FNDC3B: variants seen among roughly 807,000 people sequenced by gnomAD.
FNDC3B encodes fibronectin type III domain-containing protein 3B.
In FNDC3B, 12 loss-of-function variants were observed where a neutral mutation model predicts 151.5. The observed-to-expected ratio is 0.08, with a 90% CI of 0.05 to 0.13. The LOEUF (loss-of-function observed/expected upper bound fraction) is 0.13. FNDC3B is among the 10% of genes least tolerant of loss of function. The probability of loss-of-function intolerance (pLI) is 1.00; values close to 1 mark genes in which losing one functional copy is unlikely to be tolerated. For synonymous variants in FNDC3B, 528 were observed against 549.0 expected, an observed-to-expected ratio of 0.96 and a Z score of 0.54; for missense variants, 1,214 against 1,505.3, an observed-to-expected ratio of 0.81 and a Z score of 3.20.
At chr3:172,287,358 A>C (rs1220868422) in intron 7 of FNDC3B, among the ~76,000 whole-genome samples, 4 of 152,204 alleles carry the variant, frequency 2.6e-5, no homozygotes, top group Non-Finnish European at 5.9e-5. Context: ...GGGCGGTCGC[A>C]AATGTCTGGT....
At chr3:172,198,487 G>A (rs1432224114) in intron 3 of FNDC3B, among the ~76,000 whole-genome samples, 1 of 152,046 alleles carries the variant, frequency 6.6e-6, no homozygotes, top group Admixed American at 6.5e-5. Flanking sequence ...AACACTCAAG[G>A]GGTTGTTCTA....
At chr3:172,075,561 A>C (rs771741037) in intron 1 of FNDC3B, among the ~76,000 whole-genome samples, 1 of 152,116 alleles carries the variant, frequency 6.6e-6, no homozygotes, top group Non-Finnish European at 1.5e-5. Flanking sequence ...TGACCCTTCA[A>C]CTTTTAGAAG....
chr3:172,241,563 CAAAA>C (rs35959261), intron 4 of FNDC3B, among the ~76,000 whole-genome samples: 10 of 141,948 alleles, frequency 7.0e-5, no homozygotes, highest in Admixed American at 1.4e-4. Context: ...TGGATGGCAG[CAAAA>C]AAAAAAAAGA....
intron 16 of FNDC3B, among the ~76,000 whole-genome samples, chr3:172,339,501 C>T (rs1440670872): frequency 1.3e-5 from 2 of 151,880 alleles, no homozygotes; most frequent in Admixed American, 6.6e-5. Context: ...AGTCGGAGGT[C>T]GCAGTGAGCC....
chr3:172,247,858 G>T (rs527741739), intron 5 of FNDC3B, 82 bp downstream of exon 5: 1 of 1,461,992 alleles, frequency 6.8e-7, no homozygotes, highest in East Asian at 2.3e-5. Flanking sequence ...TTTGTTTCTT[G>T]TGAAATAAGC....
chr3:172,316,718 G>A (rs1731804447), intron 11 of FNDC3B, among the ~76,000 whole-genome samples: 1 of 152,206 alleles, frequency 6.6e-6, no homozygotes, highest in South Asian at 2.1e-4. Flanking sequence ...CTAAGATCTT[G>A]CTATGAATAT....
Position 172,328,977 on chromosome 3 carries a change from A to T in FNDC3B, c.1280A>T (p.Gln427Leu), listed in dbSNP as rs766564226. ...GGAAAAAGAAATAGTGGTTTCAGACAGTGCTTCTTCGGGAGCCAGAAGCAC... is the reference window on the plus strand; with the variant it reads ...GGAAAAAGAAATAGTGGTTTCAGACTGTGCTTCTTCGGGAGCCAGAAGCAC... The part of the protein sequence containing the change: ...DEGKRNSGFR[Q>L]CFFGSQKHCK... The change falls in exon 12 of 26, where the codon CAG (glutamine) becomes CTG (leucine). Residue 427 changes from glutamine to leucine, a missense_variant. Gln to Leu is a moderately radical substitution (Grantham distance 113). Around this residue, in one of 7 missense-constraint regions of FNDC3B, gnomAD observed 156 missense variants for 225.3 expected, o/e 0.69. Transcript: ENST00000415807. The T allele has an allele frequency of 6.2e-7, 1 of 1,613,028 alleles. No individual in the cohort carries two copies. Among genetic ancestry groups the T allele is most frequent in the African/African-American group, 1.3e-5 (1 of 74,846 alleles).
intron 15 of FNDC3B, 51 bp from the exon 16 acceptor site, chr3:172,337,279 A>AT (rs1560086435): frequency 7.8e-7 from 1 of 1,278,346 alleles, no homozygotes; most frequent in Non-Finnish European, 1.1e-6. Context: ...ATGTTTACCA[A>AT]TAAAAATCAA....
intron 3 of FNDC3B, among the ~76,000 whole-genome samples, chr3:172,202,362 AAG>A (rs1725201090): frequency 1.3e-5 from 2 of 152,358 alleles, no homozygotes; most frequent in South Asian, 4.1e-4. Flanking sequence ...TGCATGTAGA[AAG>A]AAAAAGTAAG....
rs528515571 is a variant in FNDC3B at position 172,176,615 on chromosome 3, A to G, written c.187+43069A>G. Among the ~76,000 whole-genome samples, 69 of 152,300 alleles carry G rather than the reference A, an allele frequency of 4.5e-4. 2 individuals are homozygous for G. The highest frequency in any genetic ancestry group is 3.3e-4 in the Admixed American group (5 of 15,296). On this transcript the variant is annotated intron_variant, in intron 3 of 25. Transcript: ENST00000415807. ...CTTTAGAGTTCTTCCTGGGATGACA[A>G]TGGTCGAATGAGATAATGTGAGAGT...
intron 3 of FNDC3B, among the ~76,000 whole-genome samples, chr3:172,167,264 T>C (rs4894817): frequency 0.81 from 123,529 of 152,166 alleles, 50,324 homozygotes; most frequent in Middle Eastern, 0.83. Context: ...GGTATGTTGG[T>C]GCACACCTGT....
chr3:172,119,301 G>A (rs866885292), intron 2 of FNDC3B, among the ~76,000 whole-genome samples: 2 of 151,650 alleles, frequency 1.3e-5, no homozygotes, highest in South Asian at 4.2e-4. Context: ...TGTATTAGGT[G>A]CTGGTGACAG....
intron 1 of FNDC3B, among the ~76,000 whole-genome samples, chr3:172,055,398 T>A (rs531632453): frequency 5.3e-5 from 8 of 152,308 alleles, no homozygotes; most frequent in African/African-American, 1.9e-4. Flanking sequence ...TCTCAATAAT[T>A]AGAAAACATA....
At chr3:172,369,617 AG>A (rs552169335) in intron 23 of FNDC3B, among the ~76,000 whole-genome samples, 6 of 152,172 alleles carry the variant, frequency 3.9e-5, no homozygotes, top group Non-Finnish European at 8.8e-5. Flanking sequence ...AAGCCAAAAA[AG>A]GTCCATATAC....
intron 13 of FNDC3B, among the ~76,000 whole-genome samples, chr3:172,332,142 GTAT>G (rs1175344246): frequency 6.6e-6 from 1 of 152,010 alleles, no homozygotes; most frequent in Non-Finnish European, 1.5e-5. Flanking sequence ...GGCTAATTTT[GTAT>G]TTTTAGTAGA....
intron 6 of FNDC3B, among the ~76,000 whole-genome samples, chr3:172,260,727 A>G (rs572880707): frequency 3.9e-5 from 6 of 152,226 alleles, no homozygotes; most frequent in African/African-American, 1.2e-4. Context: ...TCCACTCCCC[A>G]AAAAAGGTTC....
At chr3:172,370,832 C>T (rs553004203) in intron 23 of FNDC3B, among the ~76,000 whole-genome samples, 3 of 152,252 alleles carry the variant, frequency 2.0e-5, no homozygotes, top group African/African-American at 7.2e-5. Context: ...CAAAATTAAG[C>T]TGAAGGTACA....
intron 3 of FNDC3B, among the ~76,000 whole-genome samples, chr3:172,153,118 C>T (rs1421341254): frequency 1.3e-5 from 2 of 152,090 alleles, no homozygotes; most frequent in African/African-American, 4.8e-5. Flanking sequence ...TTTCCTCTGT[C>T]GGGCTTGGGA....
At chr3:172,311,388 T>C (rs1190627904) in intron 11 of FNDC3B, among the ~76,000 whole-genome samples, 2 of 152,154 alleles carry the variant, frequency 1.3e-5, no homozygotes, top group Non-Finnish European at 2.9e-5. Context: ...TAGAATGTCC[T>C]GTATCGGATG....
Sources: gnomAD v4.1 joint callset for allele counts (sites outside exome capture counted in the v4.1 genomes callset) on GRCh38, gnomAD v4.1.1 for gene constraint, gnomAD v4.1.1 regional missense constraint, MANE v1.5 for transcripts, NCBI Gene and HGNC (gene_info 2026-07-23, HGNC 2026-07-21) for gene names.